Variants in OSBPL1A observed in about 807,000 individuals in gnomAD.
The protein encoded by OSBPL1A is oxysterol-binding protein-related protein 1.
A neutral mutation model predicts 137.1 loss-of-function variants in OSBPL1A; 80 were observed. The ratio of observed to expected loss-of-function variants is 0.58; its 90% CI spans 0.49 to 0.70. The LOEUF (loss-of-function observed/expected upper bound fraction) is 0.70, where lower values mean the gene tolerates loss of function less well. Among genes scored for constraint, OSBPL1A ranks in the 30% least tolerant of loss-of-function variants. The pLI is 0.00. For synonymous variants in OSBPL1A, 365 were observed against 389.7 expected, an observed-to-expected ratio of 0.94 and a Z score of 0.75; for missense variants, 970 against 1,129.4, an observed-to-expected ratio of 0.86 and a Z score of 2.02.
At position 24,271,930 on chromosome 18, in the gene OSBPL1A, C is replaced by T; in HGVS notation, c.1281+8912G>A. 1 of 983,448 alleles carries T rather than the reference C, an allele frequency of 1.0e-6. No homozygotes were observed. Among genetic ancestry groups the T allele is most frequent in the Non-Finnish European group, 1.2e-6 (1 of 829,356 alleles). The allele number at this position is 983,448 out of a possible 1,614,324, so 60.9% of individuals were successfully genotyped here. On this transcript the variant is annotated intron_variant, in intron 15 of 27. Transcript: ENST00000319481. This position sits in a 1 kb window ranked among gnomAD's most constrained non-coding sequence, Gnocchi z 4.0. Reference sequence around the variant, plus strand: ...CGCAGAGGTCTGCGCTGCCCCTCCGCCGCCGCTGGCTCGGCCGCAGACCCG... The same window carrying T: ...CGCAGAGGTCTGCGCTGCCCCTCCGTCGCCGCTGGCTCGGCCGCAGACCCG...
chr18:24,221,016 A>G (rs979060260), intron 17 of OSBPL1A, among the ~76,000 whole-genome samples: 1 of 152,058 alleles, frequency 6.6e-6, no homozygotes, highest in Non-Finnish European at 1.5e-5. Context: ...CCTGGCCTCA[A>G]GTGATCCACC....
At chr18:24,351,528 T>TTTTG (rs146795519) in intron 4 of OSBPL1A, among the ~76,000 whole-genome samples, 45 of 151,052 alleles carry the variant, frequency 3.0e-4, no homozygotes, top group Middle Eastern at 3.4e-3. Context: ...TGCAATTGTT[T>TTTTG]TTTGTTTGTT....
At chr18:24,195,226 G>A (rs1599471091) in intron 18 of OSBPL1A, among the ~76,000 whole-genome samples, 1 of 152,206 alleles carries the variant, frequency 6.6e-6, no homozygotes, top group East Asian at 1.9e-4. Flanking sequence ...AATTGAGCTG[G>A]GGAGGTTGAG....
intron 17 of OSBPL1A, among the ~76,000 whole-genome samples, chr18:24,207,299 GT>G (rs1399223477): frequency 2.6e-5 from 4 of 152,312 alleles, no homozygotes; most frequent in Non-Finnish European, 5.9e-5. Context: ...GGCCAGGCTG[GT>G]CTCGAACTCC....
At chr18:24,204,240 G>A (rs1005524492) in intron 17 of OSBPL1A, among the ~76,000 whole-genome samples, 6 of 152,090 alleles carry the variant, frequency 3.9e-5, no homozygotes, top group South Asian at 2.1e-4. Flanking sequence ...GTCTGACTGC[G>A]GTAATGATGC....
At position 24,235,344 on chromosome 18, in the gene OSBPL1A, C is replaced by A. The variant is rs117828681; in HGVS notation, c.1444+3876G>T. Among the ~76,000 whole-genome samples the A allele has an allele frequency of 3.1e-3, 478 of 152,284 alleles. 4 individuals carry two copies. The highest frequency in any genetic ancestry group is 5.0e-3 in the Non-Finnish European group (337 of 68,018). On this transcript the variant is annotated intron_variant, in intron 16 of 27. Coordinates refer to ENST00000319481, the MANE Select transcript of OSBPL1A (RefSeq NM_080597.4). Reference sequence around the variant, plus strand: ...CAAATATGTATTAGTTAATTCTTTGCAATGATCCTATGACCCATTTGCAGA... The same window carrying A: ...CAAATATGTATTAGTTAATTCTTTGAAATGATCCTATGACCCATTTGCAGA...
chr18:24,376,538 G>GA (rs1429928473), intron 2 of OSBPL1A, among the ~76,000 whole-genome samples: 1 of 152,262 alleles, frequency 6.6e-6, no homozygotes, highest in Non-Finnish European at 1.5e-5. Flanking sequence ...CCGCACTGGG[G>GA]CTGCAGGTGG....
chr18:24,367,136 C>A (rs907964010), intron 3 of OSBPL1A, among the ~76,000 whole-genome samples, 170 bp from the exon 4 acceptor site: 1 of 151,836 alleles, frequency 6.6e-6, no homozygotes, highest in African/African-American at 2.4e-5. Context: ...GTGGTTTGAG[C>A]CCATAGTCCC....
intron 1 of OSBPL1A, among the ~76,000 whole-genome samples, chr18:24,391,461 C>A (rs189597998): frequency 5.9e-5 from 9 of 151,900 alleles, no homozygotes. Context: ...ATGGCTCATG[C>A]CTGTAATCCC....
intron 5 of OSBPL1A, among the ~76,000 whole-genome samples, chr18:24,336,288 C>G (rs2091172579): frequency 1.3e-5 from 2 of 152,308 alleles, no homozygotes; most frequent in South Asian, 2.1e-4. Context: ...AAAAGATACC[C>G]TATTGTTTCT....
At chr18:24,196,299 G>C in intron 17 of OSBPL1A, 99 bp from the exon 18 acceptor site, 1 of 807,958 alleles carries the variant, frequency 1.2e-6, no homozygotes, top group Non-Finnish European at 2.0e-6. Flanking sequence ...GGCACAGAAA[G>C]ACCCTTTAAA....
chr18:24,193,040 C>G (rs146772759), intron 18 of OSBPL1A, among the ~76,000 whole-genome samples: 108 of 152,252 alleles, frequency 7.1e-4, no homozygotes, highest in African/African-American at 2.5e-3. Context: ...TTTCCTCTTC[C>G]ACTCTTAGGA....
chr18:24,307,618 G>A (rs149209046), intron 13 of OSBPL1A, among the ~76,000 whole-genome samples: 2 of 151,918 alleles, frequency 1.3e-5, no homozygotes, highest in Non-Finnish European at 2.9e-5. Flanking sequence ...ATCATATTTG[G>A]TACATCATTT....
At chr18:24,166,426 A>G (rs919618327) in intron 26 of OSBPL1A, among the ~76,000 whole-genome samples, 153 bp downstream of exon 26, 1 of 152,234 alleles carries the variant, frequency 6.6e-6, no homozygotes, top group Admixed American at 6.5e-5. Context: ...AATAAAAGTT[A>G]CTGAATTTAA....
At chr18:24,313,405 C>T (rs2090661769) in intron 12 of OSBPL1A, among the ~76,000 whole-genome samples, 2 of 148,732 alleles carry the variant, frequency 1.3e-5, no homozygotes, top group South Asian at 4.3e-4. Context: ...CCCACCACTG[C>T]ACTCAAGCCT....
chr18:24,191,368 A>G (rs8088447), intron 18 of OSBPL1A, among the ~76,000 whole-genome samples: 8,582 of 152,224 alleles, frequency 0.056, 757 homozygotes, highest in African/African-American at 0.19. Flanking sequence ...TAAAAACCCA[A>G]AAAACTCCTA....
intron 17 of OSBPL1A, among the ~76,000 whole-genome samples, chr18:24,221,117 C>A (rs571943010): frequency 6.6e-6 from 1 of 152,298 alleles, no homozygotes; most frequent in South Asian, 2.1e-4. Context: ...TAGTTTTATT[C>A]TAGTGATTAA....
chr18:24,168,165 A>G (rs2086188307), intron 24 of OSBPL1A, among the ~76,000 whole-genome samples: 1 of 152,144 alleles, frequency 6.6e-6, no homozygotes, highest in Non-Finnish European at 1.5e-5. Flanking sequence ...CAGTGGTGCA[A>G]TCACAGCTCA....
At chr18:24,312,784 C>T (rs960476922) in intron 12 of OSBPL1A, among the ~76,000 whole-genome samples, 2 of 152,116 alleles carry the variant, frequency 1.3e-5, no homozygotes, top group Non-Finnish European at 2.9e-5. Context: ...TTATTTTAAC[C>T]TCTTACATAG....
Sources: gnomAD v4.1 joint callset for allele counts (sites outside exome capture counted in the v4.1 genomes callset) on GRCh38, gnomAD v4.1.1 for gene constraint, Gnocchi (gnomAD v3.1) non-coding constraint, MANE v1.5 for transcripts, NCBI Gene and HGNC (gene_info 2026-07-23, HGNC 2026-07-21) for gene names.